Variants in ARRB1 observed in about 807,000 individuals in gnomAD.
ARRB1 encodes the protein beta-arrestin-1.
In ARRB1, 21 loss-of-function variants were observed where a neutral mutation model predicts 56.8. That is an observed-to-expected ratio of 0.37 (90% CI 0.26 to 0.53). ARRB1 has a LOEUF of 0.53. Ranked by LOEUF, ARRB1 falls within the 20% of genes least tolerant of loss-of-function variation. ARRB1 has a pLI of 0.88. For missense variants in ARRB1, 424 were observed against 553.7 expected (o/e 0.77, Z 2.35); for synonymous variants, 210 against 218.6 (o/e 0.96, Z 0.35).
At chr11:75,296,001 AC>A (rs1946735212) in intron 1 of ARRB1, among the ~76,000 whole-genome samples, 1 of 152,122 alleles carries the variant, frequency 6.6e-6, no homozygotes, top group Admixed American at 6.5e-5. Flanking sequence ...CCCGGTGAAC[AC>A]AGTGAAACCT....
chr11:75,267,556 C>G, intron 15 of ARRB1, 96 bp downstream of exon 15: 1 of 1,278,678 alleles, frequency 7.8e-7, no homozygotes, highest in Non-Finnish European at 1.1e-6. Context: ...AGACCAGCGG[C>G]TCCTCAGGAG....
At chr11:75,298,824 T>C (rs375962393) in intron 1 of ARRB1, among the ~76,000 whole-genome samples, 4 of 152,022 alleles carry the variant, frequency 2.6e-5, no homozygotes, top group African/African-American at 9.7e-5. Flanking sequence ...ATTCAGTCTA[T>C]ACATACAATG....
rs370443831 is a variant in ARRB1 at position 75,270,355 on chromosome 11, C to T, written c.1022+1346G>A. On this transcript the variant is annotated intron_variant, in intron 13 of 15. Coordinates refer to ENST00000420843, the MANE Select transcript of ARRB1 (RefSeq NM_004041.5). ...CTAAAAATACAAAAATTAGGCTGGG[C>T]GCGGTGGCTCACGCCTGTAATCCCA... Among the ~76,000 whole-genome samples, 265 of 152,272 alleles carry T rather than the reference C, an allele frequency of 1.7e-3. 1 individual carries two copies. The highest frequency in any genetic ancestry group is 3.4e-3 in the Non-Finnish European group (228 of 68,010).
rs1946255289 is a variant in ARRB1 at position 75,278,689 on chromosome 11, G to A, written c.538C>T (p.Pro180Ser). ...KVQYAPERPG[P>S]QPTAETTRQF... is the part of the protein sequence containing the mutation. ...CTGGTGGTCTCGGCTGTGGGCTGGG[G>A]GCCAGGCCTCTCTGGGGCATACTGA... The change falls in exon 8 of 16, where the codon CCC becomes TCC. Residue 180 changes from proline to serine, a missense_variant. Physicochemically the swap from Pro to Ser is moderately conservative, Grantham distance 74. This residue lies in a region of ARRB1 where 301 missense variants were observed against 387.9 expected (regional missense o/e 0.78). Transcript: ENST00000420843. The A allele has an allele frequency of 6.2e-7, 1 of 1,614,096 alleles. No homozygotes were observed. The highest frequency in any genetic ancestry group is 8.5e-7 in the Non-Finnish European group (1 of 1,179,976).
chr11:75,305,610 A>C (rs1947010546), intron 1 of ARRB1, among the ~76,000 whole-genome samples: 1 of 152,146 alleles, frequency 6.6e-6, no homozygotes, highest in Non-Finnish European at 1.5e-5. Context: ...TTACCAGCAC[A>C]CTGTTGGGTG....
intron 1 of ARRB1, chr11:75,306,433 G>C (rs1011359132): frequency 3.9e-6 from 2 of 511,020 alleles, no homozygotes; most frequent in Non-Finnish European, 7.2e-6. Flanking sequence ...CCCCACCTAT[G>C]CCAGAGGCTG....
rs1945881473 is a variant in ARRB1, at chr11:75,265,171, G to A, written c.*992C>T. The A allele has an allele frequency of 6.6e-6, 1 of 152,430 alleles. No homozygotes were observed. Among genetic ancestry groups the A allele is most frequent in the Non-Finnish European group, 1.5e-5 (1 of 68,234 alleles). 9.4% of individuals were successfully genotyped at this position (152,430 alleles called of 1,614,324 possible). On this transcript the variant is annotated 3_prime_UTR_variant, in exon 16 of 16. Transcript: ENST00000420843. ...TGGAGAATGGCAGGGGGAAGCAGGAGGATACTAGTGGCCTCGGCCCCCGCT... is the reference window on the plus strand; with the variant it reads ...TGGAGAATGGCAGGGGGAAGCAGGAAGATACTAGTGGCCTCGGCCCCCGCT...
intron 2 of ARRB1, among the ~76,000 whole-genome samples, chr11:75,289,574 A>T (rs1277045187): frequency 6.6e-6 from 1 of 152,186 alleles, no homozygotes; most frequent in Admixed American, 6.5e-5. Context: ...CTGAGGGGGA[A>T]GCAGGATGGC....
intron 1 of ARRB1, among the ~76,000 whole-genome samples, chr11:75,343,876 C>A (rs1044859833): frequency 6.6e-6 from 1 of 151,764 alleles, no homozygotes; most frequent in Non-Finnish European, 1.5e-5. Flanking sequence ...AGTGCAGTGG[C>A]GTGATCTCGG....
At chr11:75,346,973 G>A (rs906952355) in intron 1 of ARRB1, among the ~76,000 whole-genome samples, 6 of 152,238 alleles carry the variant, frequency 3.9e-5, no homozygotes, top group African/African-American at 9.6e-5. Flanking sequence ...GATGGTAGGC[G>A]CGGGCACTCT....
At chr11:75,346,702 C>T (rs1483720356) in intron 1 of ARRB1, among the ~76,000 whole-genome samples, 3 of 152,150 alleles carry the variant, frequency 2.0e-5, no homozygotes, top group Admixed American at 6.5e-5. Flanking sequence ...TATGGCCTTC[C>T]GTCAGTTTCC....
At chr11:75,306,718 AGTGAG>A in intron 1 of ARRB1, 1 of 1,224,258 alleles carries the variant, frequency 8.2e-7, no homozygotes, top group Non-Finnish European at 1.0e-6. Flanking sequence ...CCCAGCCCCA[AGTGAG>A]GGGTTAGTTA....
intron 1 of ARRB1, among the ~76,000 whole-genome samples, chr11:75,338,106 A>T (rs1367481602): frequency 6.6e-6 from 1 of 151,750 alleles, no homozygotes; most frequent in Non-Finnish European, 1.5e-5. Context: ...TGTGGTGGGG[A>T]CAGCTGGGAA....
chr11:75,351,484 C>A, intron 1 of ARRB1, 104 bp downstream of exon 1: 1 of 1,462,332 alleles, frequency 6.8e-7, no homozygotes, highest in Non-Finnish European at 9.1e-7. Context: ...CTAGATCCCG[C>A]GGTGGCCGCG....
intron 15 of ARRB1, 42 bp downstream of exon 15, chr11:75,267,610 C>G: frequency 7.2e-7 from 1 of 1,386,888 alleles, no homozygotes; most frequent in Non-Finnish European, 1.0e-6. Flanking sequence ...CCCGCCCACC[C>G]GCGGCCCACC....
chr11:75,281,443 G>A (rs1465515443), intron 6 of ARRB1, among the ~76,000 whole-genome samples: 1 of 152,164 alleles, frequency 6.6e-6, no homozygotes, highest in African/African-American at 2.4e-5. Context: ...ATAGCAACAG[G>A]CACCTGAGCA....
rs3837388 is a variant in ARRB1, at chr11:75,261,181, C to CGTGTGTGTGTGTGT, written c.*4968_*4981dup. The CGTGTGTGTGTGTGT allele has an allele frequency of 3.5e-5, 5 of 142,162 alleles. No homozygotes were observed. Among genetic ancestry groups the CGTGTGTGTGTGTGT allele is most frequent in the African/African-American group, 1.0e-4 (4 of 38,262 alleles). 8.8% of individuals were successfully genotyped at this position (142,162 alleles called of 1,614,324 possible). A position where few individuals can be genotyped will look rare whatever the true frequency, so the allele number is the denominator to read the frequency against. On this transcript the variant is annotated 3_prime_UTR_variant, in exon 16 of 16. Transcript: ENST00000420843. The stretch of plus-strand genomic sequence containing the variant: ...GGCTAGAAAAACCATCAACTATGTA[C>CGTGTGTGTGTGTGT]GTGTGTGTGTGTGTGTGTGTGTGTG...
At chr11:75,331,114 C>T (rs1317440315) in intron 1 of ARRB1, among the ~76,000 whole-genome samples, 1 of 152,256 alleles carries the variant, frequency 6.6e-6, no homozygotes, top group Non-Finnish European at 1.5e-5. Context: ...CAGGTTCAAG[C>T]AATTCTGCCT....
intron 1 of ARRB1, among the ~76,000 whole-genome samples, chr11:75,331,704 G>C (rs1203081463): frequency 6.8e-6 from 1 of 147,950 alleles, no homozygotes; most frequent in East Asian, 2.1e-4. Flanking sequence ...CTCTCTTTTC[G>C]GACTCAGCCC....
Sources: allele counts gnomAD v4.1 joint callset (sites outside exome capture counted in the v4.1 genomes callset), GRCh38; gene constraint gnomAD v4.1.1; regional missense constraint gnomAD v4.1.1; transcripts MANE v1.5; gene names NCBI Gene and HGNC (gene_info 2026-07-23, HGNC 2026-07-21).